The following BCAS1 variants were observed in gnomAD, a reference collection of about 807,000 sequenced individuals.
The protein encoded by BCAS1 is breast carcinoma-amplified sequence 1.
In BCAS1, 46 loss-of-function variants were observed where a neutral mutation model predicts 65.4. The ratio of observed to expected loss-of-function variants is 0.70; its 90% CI spans 0.55 to 0.90. BCAS1 has a LOEUF of 0.90. Among genes scored for constraint, BCAS1 ranks in the 40% least tolerant of loss-of-function variants. The pLI, the probability that BCAS1 is intolerant of heterozygous loss-of-function variation, is 0.00. For missense variants in BCAS1, 793 were observed against 771.2 expected (o/e 1.03, Z -0.33); for synonymous variants, 298 against 293.5 (o/e 1.02, Z -0.16).
At chr20:54,027,816 C>CA (rs2091708503) in intron 4 of BCAS1, among the ~76,000 whole-genome samples, 1 of 151,492 alleles carries the variant, frequency 6.6e-6, no homozygotes, top group Admixed American at 6.6e-5. Context: ...AAAAAAAACC[C>CA]AAAACCCCTA....
At chr20:53,999,093 G>C (rs1289564432) in intron 4 of BCAS1, among the ~76,000 whole-genome samples, 1 of 152,152 alleles carries the variant, frequency 6.6e-6, no homozygotes, top group African/African-American at 2.4e-5. Context: ...CTTATATAGT[G>C]TGTGCAGTAA....
chr20:53,989,154 T>C (rs972791194), intron 7 of BCAS1, among the ~76,000 whole-genome samples: 8 of 152,058 alleles, frequency 5.3e-5, no homozygotes, highest in Non-Finnish European at 2.9e-5. Flanking sequence ...GGAAGGGTGA[T>C]TAGGGCAAAA....
chr20:53,994,907 ACACACAC>A, intron 6 of BCAS1, 98 bp downstream of exon 6: 1 of 891,872 alleles, frequency 1.1e-6, no homozygotes, highest in Non-Finnish European at 1.8e-6. Flanking sequence ...ACACACACAC[ACACACAC>A]ACATATATGT....
At chr20:54,043,497 G>A (rs899798859) in intron 3 of BCAS1, among the ~76,000 whole-genome samples, 1 of 152,080 alleles carries the variant, frequency 6.6e-6, no homozygotes, top group African/African-American at 2.4e-5. Flanking sequence ...CTAAAATCAG[G>A]CTGTTATTGA....
chr20:54,066,687 C>G (rs1199652773), intron 1 of BCAS1, among the ~76,000 whole-genome samples: 1 of 152,198 alleles, frequency 6.6e-6, no homozygotes, highest in Non-Finnish European at 1.5e-5. Flanking sequence ...TGTTGGCTAG[C>G]CAGAAAGAGT....
At chr20:54,042,567 T>C (rs987205547) in intron 3 of BCAS1, among the ~76,000 whole-genome samples, 1 of 152,128 alleles carries the variant, frequency 6.6e-6, no homozygotes, top group African/African-American at 2.4e-5. Context: ...AACTTATAAA[T>C]AGACATGCCT....
chr20:53,973,947 C>G (rs1405358980), intron 9 of BCAS1, among the ~76,000 whole-genome samples: 1 of 152,170 alleles, frequency 6.6e-6, no homozygotes, highest in African/African-American at 2.4e-5. Context: ...TACCAATCAG[C>G]ACTCTGTAAA....
intron 3 of BCAS1, among the ~76,000 whole-genome samples, chr20:54,054,546 T>C (rs187971737): frequency 1.3e-5 from 2 of 152,298 alleles, no homozygotes; most frequent in Admixed American, 1.3e-4. Flanking sequence ...GAAAACTGCA[T>C]GAGGACAACA....
intron 4 of BCAS1, among the ~76,000 whole-genome samples, chr20:54,000,456 G>T (rs1015113979): frequency 6.6e-6 from 1 of 152,254 alleles, no homozygotes; most frequent in African/African-American, 2.4e-5. Flanking sequence ...TGTGCACATG[G>T]TACAATCTCA....
chr20:53,982,871 G>C (rs756072479), intron 8 of BCAS1, among the ~76,000 whole-genome samples: 4 of 152,092 alleles, frequency 2.6e-5, no homozygotes, highest in African/African-American at 9.7e-5. Flanking sequence ...AAAGTACTTA[G>C]CACAAATAAA....
intron 1 of BCAS1, among the ~76,000 whole-genome samples, chr20:54,062,251 T>C (rs868759302): frequency 2.6e-5 from 4 of 152,148 alleles, no homozygotes; most frequent in African/African-American, 9.7e-5. Flanking sequence ...ATCATAGAAA[T>C]GATAGAGTAA....
intron 1 of BCAS1, among the ~76,000 whole-genome samples, chr20:54,063,258 C>T (rs1158601096): frequency 3.9e-5 from 6 of 152,306 alleles, no homozygotes; most frequent in Non-Finnish European, 8.8e-5. Flanking sequence ...CGCTGGGCCT[C>T]AGTTTCCTCA....
At chr20:54,065,296 C>A (rs1463079542) in intron 1 of BCAS1, among the ~76,000 whole-genome samples, 3 of 152,104 alleles carry the variant, frequency 2.0e-5, no homozygotes, top group Admixed American at 6.5e-5. Context: ...TTGTCCTATT[C>A]CTCGATGACT....
intron 3 of BCAS1, among the ~76,000 whole-genome samples, chr20:54,032,695 C>T (rs994421702): frequency 1.3e-5 from 2 of 151,118 alleles, no homozygotes; most frequent in East Asian, 3.8e-4. Flanking sequence ...TCAAAACAGA[C>T]TTTAAACCAA....
intron 8 of BCAS1, among the ~76,000 whole-genome samples, chr20:53,978,183 G>T (rs1284422439): frequency 6.6e-6 from 1 of 151,658 alleles, no homozygotes; most frequent in African/African-American, 2.4e-5. Flanking sequence ...AAAATGATGA[G>T]TTCACATCCT....
chr20:53,951,364 G>A (rs144537605), intron 12 of BCAS1, among the ~76,000 whole-genome samples: 78 of 152,244 alleles, frequency 5.1e-4, no homozygotes, highest in Middle Eastern at 3.4e-3. Flanking sequence ...CCAGCTACTC[G>A]GGAGACTGAA....
intron 3 of BCAS1, among the ~76,000 whole-genome samples, chr20:54,040,082 AT>A (rs2091964049): frequency 6.6e-6 from 1 of 151,488 alleles, no homozygotes; most frequent in Non-Finnish European, 1.5e-5. Context: ...ATCAATGAAT[AT>A]CCTGGTAGTT....
Position 54,060,286 on chromosome 20 carries a change from A to G in BCAS1, c.-5-1563T>C, listed in dbSNP as rs1231793233. ...GCAAAACATATCTGCTTATTAAACAAAAATGCATAGGGTTCTAAGTTATGA... is the reference window on the plus strand; with the variant it reads ...GCAAAACATATCTGCTTATTAAACAGAAATGCATAGGGTTCTAAGTTATGA... On this transcript the variant is annotated intron_variant, in intron 1 of 12. Coordinates refer to ENST00000688948, the MANE Select transcript of BCAS1 (RefSeq NM_001366298.2). Among the ~76,000 whole-genome samples the G allele has an allele frequency of 2.0e-5, 3 of 152,238 alleles. No homozygotes were observed. The East Asian group carries it at 5.8e-4, about 29-fold the overall frequency.
At chr20:54,058,593 CTTTTTT>C in intron 2 of BCAS1, 48 bp downstream of exon 2, 156 of 1,222,964 alleles carry the variant, frequency 1.3e-4, no homozygotes, top group East Asian at 4.3e-4. Context: ...ACAGGAAGTT[CTTTTTT>C]TTTTTTTTTT....
Sources: allele counts gnomAD v4.1 joint callset (sites outside exome capture counted in the v4.1 genomes callset), GRCh38; gene constraint gnomAD v4.1.1; transcripts MANE v1.5; gene names NCBI Gene and HGNC (gene_info 2026-07-23, HGNC 2026-07-21).